The following PSMA5 variants were observed in gnomAD, a reference collection of about 807,000 sequenced individuals.
PSMA5 encodes proteasome 20S subunit alpha 5, also known as proteasome subunit alpha type-5.
PSMA5 carries 3 observed loss-of-function variants against 34.5 expected under a neutral mutation model. The observed-to-expected ratio is 0.09, with a 90% CI of 0.04 to 0.22. PSMA5 has a LOEUF of 0.22. Among genes scored for constraint, PSMA5 ranks in the 10% least tolerant of loss-of-function variants. PSMA5 has a pLI of 1.00. For synonymous variants in PSMA5, 88 were observed against 95.8 expected, an observed-to-expected ratio of 0.92 and a Z score of 0.47; for missense variants, 120 against 286.1, an observed-to-expected ratio of 0.42 and a Z score of 4.19.
At chr1:109,424,717 G>A (rs574243907) in intron 1 of PSMA5, among the ~76,000 whole-genome samples, 4 of 152,182 alleles carry the variant, frequency 2.6e-5, no homozygotes, top group South Asian at 2.1e-4. Context: ...GGCCAGGCGC[G>A]GTGGCTCACT....
Position 109,400,223 on chromosome 1 carries a change from C to T in PSMA5, c.*1790G>A, listed in dbSNP as rs896121192. ...CTCCTTAGTATTTGGGCATTTTTCC[C>T]CCTATGAAATGCATGTGATTCAGAG... is the stretch of plus-strand genomic sequence containing the variant. On this transcript the variant is annotated 3_prime_UTR_variant, in exon 9 of 9. Transcript: ENST00000271308. The T allele has an allele frequency of 2.6e-5, 4 of 152,144 alleles. No individual in the cohort carries two copies. Among genetic ancestry groups the T allele is most frequent in the African/African-American group, 7.2e-5 (3 of 41,424 alleles). 9.4% of individuals were successfully genotyped at this position (152,144 alleles called of 1,614,324 possible).
At position 109,409,788 on chromosome 1, in the gene PSMA5, C is replaced by A. The variant is rs543572696; in HGVS notation, c.648+140G>T. ...ACATTAACCAGGCATGGTGTGTGCA[C>A]CTGTAGTCCCAGCTACTCGAGAGGC... On this transcript the variant is annotated intron_variant, in intron 8 of 8. Coordinates refer to ENST00000271308, the MANE Select transcript of PSMA5 (RefSeq NM_002790.4). 138 of 612,964 alleles carry A rather than the reference C, an allele frequency of 2.3e-4. 1 individual carries two copies. In the South Asian group the frequency reaches 2.4e-3, roughly 11 times the overall value. The allele number at this position is 612,964 out of a possible 1,614,324, so 38.0% of individuals were successfully genotyped here.
intron 4 of PSMA5, 146 bp downstream of exon 4, chr1:109,412,922 T>C: frequency 1.5e-6 from 1 of 645,384 alleles, no homozygotes; most frequent in Non-Finnish European, 2.7e-6. Flanking sequence ...CCCCAGGAAG[T>C]TCTAACTGGG....
chr1:109,404,616 T>G (rs1256980735), intron 8 of PSMA5, among the ~76,000 whole-genome samples: 2 of 152,182 alleles, frequency 1.3e-5, no homozygotes, highest in Non-Finnish European at 2.9e-5. Flanking sequence ...ACTAGATAAG[T>G]AAAAATAATC....
chr1:109,400,784 C>T lies in PSMA5; in HGVS notation c.*1229G>A, dbSNP rs1019763917. 2.0e-5 allele frequency: 3 copies of T among 152,172 alleles called. No individual in the cohort carries two copies. Among genetic ancestry groups the T allele is most frequent in the African/African-American group, 7.2e-5 (3 of 41,436 alleles). 9.4% of individuals were successfully genotyped at this position (152,172 alleles called of 1,614,324 possible). ...AGTCATAATTTATTAACATATAGTA[C>T]AACTTCCTACACATCAATATACCCA... On this transcript the variant is annotated 3_prime_UTR_variant, in exon 9 of 9. Transcript: ENST00000271308.
At chr1:109,414,449 T>C (rs1654115993) in intron 3 of PSMA5, among the ~76,000 whole-genome samples, 1 of 152,224 alleles carries the variant, frequency 6.6e-6, no homozygotes, top group African/African-American at 2.4e-5. Flanking sequence ...ACAATTAGAC[T>C]GTATGCTCCT....
intron 8 of PSMA5, among the ~76,000 whole-genome samples, chr1:109,406,079 T>C (rs755774827): frequency 3.3e-5 from 5 of 152,162 alleles, no homozygotes; most frequent in Non-Finnish European, 5.9e-5. Context: ...GAAGATGAAA[T>C]GGTTTTTAGG....
At chr1:109,412,709 T>C (rs1226966694) in intron 4 of PSMA5, 4 of 196,914 alleles carry the variant, frequency 2.0e-5, no homozygotes, top group Admixed American at 1.7e-4. Context: ...GGCTGTTATT[T>C]ACAAGCCTGG....
At chr1:109,412,559 A>G (rs2100963324) in intron 4 of PSMA5, 1 of 175,842 alleles carries the variant, frequency 5.7e-6, no homozygotes, top group South Asian at 1.6e-4. Flanking sequence ...ACTTGCAAAT[A>G]AGTACAAAAA....
At chr1:109,407,880 C>T (rs1030319230) in intron 8 of PSMA5, among the ~76,000 whole-genome samples, 14 of 152,138 alleles carry the variant, frequency 9.2e-5, no homozygotes, top group African/African-American at 2.7e-4. Flanking sequence ...TCTGGCCTCA[C>T]GTGATCTTCC....
At chr1:109,423,003 C>G (rs906347360) in intron 1 of PSMA5, among the ~76,000 whole-genome samples, 17 of 152,226 alleles carry the variant, frequency 1.1e-4, no homozygotes, top group Non-Finnish European at 1.2e-4. Context: ...GAAATCCCTA[C>G]GGAGAAGAGG....
intron 6 of PSMA5, among the ~76,000 whole-genome samples, chr1:109,411,437 T>C (rs981413733): frequency 3.3e-5 from 5 of 152,160 alleles, no homozygotes; most frequent in African/African-American, 4.8e-5. Flanking sequence ...ACCCTGACTA[T>C]AGTAACAAGT....
At position 109,423,316 on chromosome 1, in the gene PSMA5, G is replaced by T. The variant is rs529290638; in HGVS notation, c.30-1390C>A. Among the ~76,000 whole-genome samples, 197 of 152,300 alleles carry T rather than the reference G, an allele frequency of 1.3e-3. 2 individuals carry two copies. The highest frequency in any genetic ancestry group is 2.3e-3 in the Admixed American group (35 of 15,296). ...TAGCTGGGCGTGGTGGCAGGTGCCT[G>T]TAATCCCAGCTACTTGAGAGGCTAA... On this transcript the variant is annotated intron_variant, in intron 1 of 8. Coordinates refer to ENST00000271308, the MANE Select transcript of PSMA5 (RefSeq NM_002790.4).
chr1:109,404,481 A>C (rs1489580483), intron 8 of PSMA5, among the ~76,000 whole-genome samples: 1 of 152,174 alleles, frequency 6.6e-6, no homozygotes, highest in Admixed American at 6.5e-5. Context: ...AAAACATTAC[A>C]GGGGCTAAAA....
intron 7 of PSMA5, among the ~76,000 whole-genome samples, chr1:109,410,497 A>G (rs956594323): frequency 3.3e-5 from 5 of 152,238 alleles, no homozygotes; most frequent in Admixed American, 2.6e-4. Context: ...CCACCTGAAT[A>G]AGTAGAGCAG....
chr1:109,421,230 A>C (rs375117807), intron 2 of PSMA5, among the ~76,000 whole-genome samples: 24 of 151,968 alleles, frequency 1.6e-4, no homozygotes, highest in African/African-American at 5.1e-4. Flanking sequence ...CCCTAAGGTG[A>C]CTTTACCAAC....
chr1:109,421,974 T>G, intron 1 of PSMA5, 48 bp from the exon 2 acceptor site: 1 of 1,216,432 alleles, frequency 8.2e-7, no homozygotes, highest in Non-Finnish European at 1.1e-6. Flanking sequence ...AAACTAGCCA[T>G]GTAGACACTG....
chr1:109,425,844 C>A (rs1250229234), intron 1 of PSMA5: 1 of 164,030 alleles, frequency 6.1e-6, no homozygotes, highest in Non-Finnish European at 1.3e-5. Context: ...AAAGCTACGA[C>A]TGCCTTCGCG....
chr1:109,422,655 T>G (rs1369786474), intron 1 of PSMA5, among the ~76,000 whole-genome samples: 1 of 152,136 alleles, frequency 6.6e-6, no homozygotes, highest in Non-Finnish European at 1.5e-5. Flanking sequence ...GTATTTTTAG[T>G]AGAGATGGGG....
Sources: allele counts gnomAD v4.1 joint callset (sites outside exome capture counted in the v4.1 genomes callset), GRCh38; gene constraint gnomAD v4.1.1; transcripts MANE v1.5; gene names NCBI Gene and HGNC (gene_info 2026-07-23, HGNC 2026-07-21).